The following CCAR1 variants were observed in gnomAD, a reference collection of about 807,000 sequenced individuals.
CCAR1 encodes the protein cell division cycle and apoptosis regulator 1.
CCAR1 carries 78 observed loss-of-function variants against 163.8 expected under a neutral mutation model. The observed-to-expected ratio is 0.48, with a 90% CI of 0.40 to 0.57. The LOEUF (loss-of-function observed/expected upper bound fraction) is 0.57. Among genes scored for constraint, CCAR1 ranks in the 20% least tolerant of loss-of-function variants. The probability of loss-of-function intolerance (pLI) is 0.00; values close to 1 mark genes in which losing one functional copy is unlikely to be tolerated. For missense variants in CCAR1, 1,019 were observed against 1,365.2 expected, an observed-to-expected ratio of 0.75 and a Z score of 4.00; for synonymous variants, 443 against 460.7, an observed-to-expected ratio of 0.96 and a Z score of 0.49.
chr10:68,767,201 C>T (rs745961683), intron 17 of CCAR1, among the ~76,000 whole-genome samples: 6 of 152,006 alleles, frequency 3.9e-5, no homozygotes, highest in Non-Finnish European at 7.4e-5. Context: ...ATTTAACTTG[C>T]GTTTGAGTTG....
intron 2 of CCAR1, among the ~76,000 whole-genome samples, chr10:68,729,502 C>T (rs1483664298): frequency 6.6e-6 from 1 of 151,752 alleles, no homozygotes; most frequent in African/African-American, 2.4e-5. Flanking sequence ...ATCTCCTGAC[C>T]TTGTGATCCA....
intron 15 of CCAR1, among the ~76,000 whole-genome samples, chr10:68,759,867 T>C (rs1166385877): frequency 1.3e-5 from 2 of 152,176 alleles, no homozygotes; most frequent in African/African-American, 4.8e-5. Context: ...GGTATTATTA[T>C]TATTTTTAAA....
chr10:68,775,511 T>G lies in CCAR1; in HGVS notation c.2650+2412T>G, dbSNP rs1455012334. Among the ~76,000 whole-genome samples, 653 of 146,918 alleles carry G rather than the reference T, an allele frequency of 4.4e-3. 2 individuals are homozygous for G. The highest frequency in any genetic ancestry group is 0.015 in the African/African-American group (601 of 39,978). On this transcript the variant is annotated intron_variant, in intron 19 of 24. Coordinates refer to ENST00000265872, the MANE Select transcript of CCAR1 (RefSeq NM_018237.4). ...AGCCTCATTTTCTTTTTTTTTTTTTTTTTGTTTTTTGTTTTTTGAGACAGA... is the reference window on the plus strand; with the variant it reads ...AGCCTCATTTTCTTTTTTTTTTTTTGTTTGTTTTTTGTTTTTTGAGACAGA...
Position 68,761,142 on chromosome 10 carries a change from G to C in CCAR1, c.2056G>C (p.Glu686Gln). ...AGAACAGAAGGAGTTAGAGAAATCT[G>C]AAAAAGAAGAGGATGAGGATGATGA... ...KEEQKELEKS[E>Q]KEEDEDDDRK... is the part of the protein sequence containing the mutation. Residue 686 changes from glutamate to glutamine, a missense_variant, in exon 16 of 25, where the codon GAA (glutamate) becomes CAA (glutamine). Around this residue, in one of 4 missense-constraint regions of CCAR1, gnomAD observed 644 missense variants for 904.4 expected, o/e 0.71. Coordinates refer to ENST00000265872, the MANE Select transcript of CCAR1 (RefSeq NM_018237.4). 1 of 1,608,668 alleles carries C rather than the reference G, an allele frequency of 6.2e-7. No individual in the cohort carries two copies. Among genetic ancestry groups the C allele is most frequent in the East Asian group, 2.2e-5 (1 of 44,808 alleles).
intron 6 of CCAR1, among the ~76,000 whole-genome samples, chr10:68,745,636 G>C (rs2056243208): frequency 6.6e-6 from 1 of 151,670 alleles, no homozygotes; most frequent in East Asian, 2.0e-4. Context: ...GCTAATTTTT[G>C]TATGTTTAGT....
rs763406750 is a variant in CCAR1 at position 68,749,617 on chromosome 10, A to G, written c.1050A>G (p.Arg350=). Residue 350 remains arginine (R), a synonymous_variant, in exon 10 of 25, where the codon CGA becomes CGG. Transcript: ENST00000265872. ...GATCTCCACGAAGAGAGCGAGAGCGATCACCTCGGAGAGTTCGACGTGTTG... is the reference window on the plus strand; with the variant it reads ...GATCTCCACGAAGAGAGCGAGAGCGGTCACCTCGGAGAGTTCGACGTGTTG... The part of the protein sequence containing the change: ...RERSPRRERE[R]SPRRVRRVVP... 1.9e-6 allele frequency: 3 copies of G among 1,613,954 alleles called. No homozygotes were observed. The highest frequency in any genetic ancestry group is 2.7e-5 in the African/African-American group (2 of 74,936).
chr10:68,755,804 T>C (rs1353191557), intron 13 of CCAR1, among the ~76,000 whole-genome samples: 1 of 152,238 alleles, frequency 6.6e-6, no homozygotes, highest in Non-Finnish European at 1.5e-5. Flanking sequence ...GAAAATACTT[T>C]TCATTTCATG....
intron 15 of CCAR1, among the ~76,000 whole-genome samples, chr10:68,760,081 C>G (rs938632991): frequency 6.6e-6 from 1 of 152,132 alleles, no homozygotes; most frequent in Admixed American, 6.6e-5. Flanking sequence ...ATCCTTCCAC[C>G]TTGGACTCCA....
chr10:68,766,498 C>T (rs1204919935), intron 17 of CCAR1, among the ~76,000 whole-genome samples: 6 of 148,360 alleles, frequency 4.0e-5, no homozygotes, highest in East Asian at 2.1e-4. Flanking sequence ...CCACCATGCC[C>T]GTATCTCTGA....
intron 2 of CCAR1, among the ~76,000 whole-genome samples, chr10:68,732,829 G>A (rs987986458): frequency 6.6e-6 from 1 of 152,160 alleles, no homozygotes; most frequent in Non-Finnish European, 1.5e-5. Flanking sequence ...GGGATGCTGA[G>A]GCGAGAGGAT....
chr10:68,771,146 C>T, intron 17 of CCAR1, 60 bp from the exon 18 acceptor site: 1 of 1,428,414 alleles, frequency 7.0e-7, no homozygotes, highest in South Asian at 1.3e-5. Flanking sequence ...CTAAATTACT[C>T]TGCTAGCTTT....
intron 15 of CCAR1, among the ~76,000 whole-genome samples, chr10:68,760,235 ACTC>A (rs2056451563): frequency 6.6e-6 from 1 of 151,764 alleles, no homozygotes; most frequent in Admixed American, 6.6e-5. Context: ...GGAACCTTAA[ACTC>A]CTGGGCTCAA....
At chr10:68,785,196 C>T (rs1480047086) in intron 19 of CCAR1, among the ~76,000 whole-genome samples, 2 of 151,332 alleles carry the variant, frequency 1.3e-5, no homozygotes, top group African/African-American at 2.4e-5. Context: ...GGATTACAGG[C>T]GTGAGGCACC....
intron 2 of CCAR1, among the ~76,000 whole-genome samples, chr10:68,725,181 A>G (rs866739215): frequency 1.3e-5 from 2 of 152,188 alleles, no homozygotes; most frequent in East Asian, 3.9e-4. Flanking sequence ...AAGAACATTT[A>G]CATTTTCAAA....
At chr10:68,773,215 T>A (rs1377406639) in intron 19 of CCAR1, 116 bp downstream of exon 19, 3 of 553,716 alleles carry the variant, frequency 5.4e-6, no homozygotes. Flanking sequence ...ATAGAAAGAG[T>A]AATATACTCT....
At chr10:68,747,620 T>C in intron 8 of CCAR1, 54 bp downstream of exon 8, 1 of 1,477,596 alleles carries the variant, frequency 6.8e-7, no homozygotes, top group East Asian at 2.3e-5. Flanking sequence ...GTTGATAATG[T>C]AACTATGCTT....
At position 68,749,111 on chromosome 10, in the gene CCAR1, C is replaced by T. The variant is rs188374057; in HGVS notation, c.827-25C>T. On this transcript the variant is annotated intron_variant, in intron 8 of 24. Transcript: ENST00000265872. ...TCGAACTTTGTTTAGACACGCTAAA[C>T]GTTTTTTTCTTTTATCTTTTAAAGC... 18 of 1,613,452 alleles carry T rather than the reference C, an allele frequency of 1.1e-5. No individual in the cohort carries two copies. The African/African-American group carries it at 1.2e-4, about 11-fold the overall frequency.
At chr10:68,781,408 T>C (rs1012968347) in intron 19 of CCAR1, among the ~76,000 whole-genome samples, 5 of 151,952 alleles carry the variant, frequency 3.3e-5, no homozygotes, top group Non-Finnish European at 7.4e-5. Flanking sequence ...CCGGGCGTGG[T>C]GGCGGGCACC....
chr10:68,762,100 T>A (rs1182453797), intron 16 of CCAR1, among the ~76,000 whole-genome samples: 1 of 151,136 alleles, frequency 6.6e-6, no homozygotes, highest in Non-Finnish European at 1.5e-5. Context: ...GAGGCCGAGG[T>A]GGGCGGATCA....
Sources: gnomAD v4.1 joint callset for allele counts (sites outside exome capture counted in the v4.1 genomes callset) on GRCh38, gnomAD v4.1.1 for gene constraint, gnomAD v4.1.1 regional missense constraint, MANE v1.5 for transcripts, NCBI Gene and HGNC (gene_info 2026-07-23, HGNC 2026-07-21) for gene names.